Variants in PRKN observed in about 807,000 individuals in gnomAD.
PRKN encodes the protein parkin RBR E3 ubiquitin protein ligase.
In PRKN, 56 loss-of-function variants were observed where a neutral mutation model predicts 59.5. The observed-to-expected ratio is 0.94, with a 90% CI of 0.76 to 1.18. PRKN has a LOEUF of 1.18. Among genes scored for constraint, PRKN ranks in the 50% most tolerant of loss-of-function variants. The pLI is 0.00. For synonymous variants in PRKN, 250 were observed against 222.1 expected, an observed-to-expected ratio of 1.13 and a Z score of -1.12; for missense variants, 657 against 596.4, an observed-to-expected ratio of 1.10 and a Z score of -1.06.
At chr6:162,610,350 GATTTT>G (rs1782095837) in intron 1 of PRKN, among the ~76,000 whole-genome samples, 1 of 152,098 alleles carries the variant, frequency 6.6e-6, no homozygotes, top group Non-Finnish European at 1.5e-5. Context: ...TCCTAAGCAG[GATTTT>G]ATTTGTAAAA....
At chr6:161,918,945 C>G (rs917304563) in intron 6 of PRKN, among the ~76,000 whole-genome samples, 2 of 152,022 alleles carry the variant, frequency 1.3e-5, no homozygotes, top group African/African-American at 4.8e-5. Context: ...GGTGGGAATG[C>G]AAAATATTGC....
intron 1 of PRKN, among the ~76,000 whole-genome samples, chr6:162,675,742 TA>T (rs1460144094): frequency 5.9e-5 from 9 of 152,134 alleles, no homozygotes; most frequent in African/African-American, 1.4e-4. Flanking sequence ...AAAATTCTAA[TA>T]AAAAACTGTA....
At chr6:161,510,151 A>C (rs1778332468) in intron 9 of PRKN, among the ~76,000 whole-genome samples, 1 of 152,144 alleles carries the variant, frequency 6.6e-6, no homozygotes, top group African/African-American at 2.4e-5. Context: ...ATTGTGTTTT[A>C]AGAGGAGATT....
intron 9 of PRKN, among the ~76,000 whole-genome samples, chr6:161,490,985 C>T (rs1353856487): frequency 6.6e-6 from 1 of 152,114 alleles, no homozygotes; most frequent in Non-Finnish European, 1.5e-5. Context: ...GTGGCCTCTC[C>T]AGAAGCCAAG....
At chr6:162,367,372 C>T (rs1221408616) in intron 2 of PRKN, among the ~76,000 whole-genome samples, 3 of 152,052 alleles carry the variant, frequency 2.0e-5, no homozygotes, top group African/African-American at 7.2e-5. Flanking sequence ...TTCGCTTATG[C>T]TATGAACATT....
At chr6:162,652,796 G>A (rs1778495438) in intron 1 of PRKN, among the ~76,000 whole-genome samples, 4 of 151,592 alleles carry the variant, frequency 2.6e-5, no homozygotes, top group Admixed American at 2.6e-4. Context: ...AAAATAAGAA[G>A]AAGAAGAAGA....
intron 1 of PRKN, among the ~76,000 whole-genome samples, chr6:162,604,044 T>C (rs1397585504): frequency 6.6e-6 from 1 of 152,114 alleles, no homozygotes. Context: ...CCTCCCTCTG[T>C]TGCCTGACTT....
intron 2 of PRKN, among the ~76,000 whole-genome samples, chr6:162,313,839 T>C (rs1274842654): frequency 6.6e-6 from 1 of 152,152 alleles, no homozygotes; most frequent in East Asian, 1.9e-4. Context: ...ACCTGGATTG[T>C]TTCCACCTTT....
In PRKN at chr6:161,549,115, T is replaced by A; in HGVS notation, c.934-112A>T. 9.0e-7 allele frequency: 1 copy of A among 1,111,628 alleles called. No individual in the cohort carries two copies. The highest frequency in any genetic ancestry group is 1.3e-6 in the Non-Finnish European group (1 of 755,836). The allele number at this position is 1,111,628 out of a possible 1,614,324, so 68.9% of individuals were successfully genotyped here. A position where few individuals can be genotyped will look rare whatever the true frequency, so the allele number is the denominator to read the frequency against. ...TGCTTAACCAGTTTCAGTAAAATAA[T>A]GCATGTGTGTGTGTGTGTGTGTGTG... On this transcript the variant is annotated intron_variant, in intron 8 of 11. Transcript: ENST00000366898. The surrounding 1 kb of genome is among the most constrained non-coding windows in gnomAD (Gnocchi z 6.0).
chr6:162,526,655 C>T (rs1233107647), intron 1 of PRKN, among the ~76,000 whole-genome samples: 2 of 151,104 alleles, frequency 1.3e-5, no homozygotes, highest in South Asian at 2.1e-4. Flanking sequence ...TAAACCAGAG[C>T]TGTGACCTCT....
At position 162,232,406 on chromosome 6, in the gene PRKN, C is replaced by T. The variant is rs80150260; in HGVS notation, c.412+30119G>A. ...AGAAAGGCGACCTTTCCTCCTCACT[C>T]CCCAACTCCTGGGGGTTCATCCCCA... On this transcript the variant is annotated intron_variant, in intron 3 of 11. Transcript: ENST00000366898. Among the ~76,000 whole-genome samples, 789 of 152,214 alleles carry T rather than the reference C, an allele frequency of 5.2e-3. 15 individuals are homozygous for T. The South Asian group carries it at 0.053, about 10-fold the overall frequency.
At chr6:161,868,046 C>T (rs1237788335) in intron 6 of PRKN, among the ~76,000 whole-genome samples, 1 of 151,286 alleles carries the variant, frequency 6.6e-6, no homozygotes, top group East Asian at 2.0e-4. Flanking sequence ...CAGGGGTGAG[C>T]CATTGCGCCT....
chr6:162,682,722 C>G (rs1287306941), intron 1 of PRKN, among the ~76,000 whole-genome samples: 1 of 151,956 alleles, frequency 6.6e-6, no homozygotes, highest in Admixed American at 6.6e-5. Context: ...GTGCACCAAA[C>G]CAACATGCAA....
Position 162,456,107 on chromosome 6 carries a change from C to A in PRKN, c.8-12634G>T, listed in dbSNP as rs910363894. Among the ~76,000 whole-genome samples the A allele has an allele frequency of 8.5e-5, 13 of 152,132 alleles. 1 individual carries two copies. The highest frequency in any genetic ancestry group is 3.1e-4 in the African/African-American group (13 of 41,528). On this transcript the variant is annotated intron_variant, in intron 1 of 11. Coordinates refer to ENST00000366898, the MANE Select transcript of PRKN (RefSeq NM_004562.3). ...AAATATTACTAATAAATTTTTGTTA[C>A]AATTTTGAAGACATTAAAAGAATGA...
chr6:162,449,209 G>C (rs1022399617), intron 1 of PRKN, among the ~76,000 whole-genome samples: 1 of 150,020 alleles, frequency 6.7e-6, no homozygotes, highest in African/African-American at 2.5e-5. Context: ...TCAGATAATT[G>C]CATCTACTAG....
At chr6:162,687,956 C>G (rs1777632659) in intron 1 of PRKN, among the ~76,000 whole-genome samples, 11 of 152,088 alleles carry the variant, frequency 7.2e-5, no homozygotes. Flanking sequence ...TTTTGAGGAT[C>G]CTGTTGCTGG....
At chr6:161,505,344 T>C (rs1020933750) in intron 9 of PRKN, among the ~76,000 whole-genome samples, 9 of 139,366 alleles carry the variant, frequency 6.5e-5, no homozygotes, top group Admixed American at 1.4e-4. Flanking sequence ...TGTCTGTTCA[T>C]GTCCTTTGCC....
chr6:162,423,872 T>C (rs1789097271), intron 2 of PRKN, among the ~76,000 whole-genome samples: 1 of 152,154 alleles, frequency 6.6e-6, no homozygotes. Context: ...GAATGCCTAA[T>C]GACAAGGGTG....
chr6:162,037,389 C>T (rs777422493), intron 5 of PRKN, among the ~76,000 whole-genome samples: 12 of 152,140 alleles, frequency 7.9e-5, no homozygotes, highest in South Asian at 2.1e-4. Context: ...TAAAATAATA[C>T]GTGAGACACA....
Sources: gnomAD v4.1 joint callset for allele counts (sites outside exome capture counted in the v4.1 genomes callset) on GRCh38, gnomAD v4.1.1 for gene constraint, Gnocchi (gnomAD v3.1) non-coding constraint, MANE v1.5 for transcripts, NCBI Gene and HGNC (gene_info 2026-07-23, HGNC 2026-07-21) for gene names.